The following GPATCH2 variants were observed in gnomAD, a reference collection of about 807,000 sequenced individuals.
GPATCH2 encodes G patch domain-containing protein 2.
Under a neutral mutation model 58.0 loss-of-function variants are expected in GPATCH2, and 51 were observed. The ratio of observed to expected loss-of-function variants is 0.88; its 90% CI spans 0.70 to 1.11. The LOEUF (loss-of-function observed/expected upper bound fraction) is 1.11. GPATCH2 is among the 50% of genes most tolerant of loss of function. The pLI is 0.00. For missense variants in GPATCH2, 625 were observed against 652.2 expected (o/e 0.96, Z 0.45); for synonymous variants, 222 against 218.5 (o/e 1.02, Z -0.14).
intron 8 of GPATCH2, among the ~76,000 whole-genome samples, chr1:217,454,445 C>T (rs1013889024): frequency 5.3e-5 from 8 of 151,670 alleles, no homozygotes; most frequent in Non-Finnish European, 1.0e-4. Context: ...AAAAATTAGC[C>T]GGGCGTGGTG....
intron 5 of GPATCH2, among the ~76,000 whole-genome samples, chr1:217,526,622 C>A (rs909109971): frequency 6.6e-6 from 1 of 152,096 alleles, no homozygotes; most frequent in African/African-American, 2.4e-5. Context: ...CATTTTTTGG[C>A]CAATATCTAT....
intron 8 of GPATCH2, among the ~76,000 whole-genome samples, chr1:217,489,082 C>T (rs1178835926): frequency 1.3e-5 from 2 of 148,890 alleles, no homozygotes; most frequent in Non-Finnish European, 1.5e-5. Flanking sequence ...TTTCTCAATG[C>T]TTTTTCTTTT....
intron 5 of GPATCH2, among the ~76,000 whole-genome samples, chr1:217,544,407 A>C (rs937607592): frequency 6.6e-6 from 1 of 152,140 alleles, no homozygotes; most frequent in African/African-American, 2.4e-5. Flanking sequence ...ACAAACAAAC[A>C]AACCAAATTA....
intron 5 of GPATCH2, among the ~76,000 whole-genome samples, chr1:217,530,194 T>C (rs911037631): frequency 3.3e-5 from 5 of 152,172 alleles, no homozygotes; most frequent in Non-Finnish European, 7.4e-5. Flanking sequence ...CATCATTTTT[T>C]CCCCTCCAGT....
intron 5 of GPATCH2, chr1:217,609,653 T>G: frequency 5.1e-6 from 5 of 976,304 alleles, no homozygotes; most frequent in Non-Finnish European, 6.1e-6. Flanking sequence ...TAAAATACCC[T>G]GAGTAAAATG....
At chr1:217,536,328 T>C (rs546441959) in intron 5 of GPATCH2, among the ~76,000 whole-genome samples, 85 of 152,258 alleles carry the variant, frequency 5.6e-4, no homozygotes, top group African/African-American at 2.0e-3. Flanking sequence ...AAAGAGAAAA[T>C]ACATAGAAAA....
chr1:217,617,684 G>C (rs12067366), intron 2 of GPATCH2, among the ~76,000 whole-genome samples: 7,293 of 152,156 alleles, frequency 0.048, 563 homozygotes, highest in African/African-American at 0.16. Flanking sequence ...AGCAATCTTT[G>C]CACAGAAGGA....
At chr1:217,610,104 T>C (rs1175490641) in intron 5 of GPATCH2, 3 of 1,536,974 alleles carry the variant, frequency 2.0e-6, no homozygotes, top group East Asian at 2.5e-5. Flanking sequence ...TTCCCTCGAA[T>C]GTCATTCCCC....
At position 217,449,427 on chromosome 1, in the gene GPATCH2, C is replaced by T. The variant is rs949640012; in HGVS notation, c.1278-90G>A. The stretch of plus-strand genomic sequence containing the variant: ...TGTATCATCTGAACCTAAATCAAAA[C>T]GTTCTCAACAAAGATGGAGCTGCGT... On this transcript the variant is annotated intron_variant, in intron 8 of 9. Transcript: ENST00000366935. 16 of 781,896 alleles carry T rather than the reference C, an allele frequency of 2.0e-5. No homozygotes were observed. In the East Asian group the frequency reaches 2.2e-4, roughly 11 times the overall value. The allele number at this position is 781,896 out of a possible 1,614,324, so 48.4% of individuals were successfully genotyped here.
chr1:217,589,996 C>T (rs185783283), intron 5 of GPATCH2, among the ~76,000 whole-genome samples: 127 of 150,222 alleles, frequency 8.5e-4, no homozygotes, highest in African/African-American at 2.9e-3. Flanking sequence ...ACTAGAAGAC[C>T]AAAGAGAAAC....
intron 8 of GPATCH2, among the ~76,000 whole-genome samples, chr1:217,473,545 C>A (rs1267670773): frequency 2.6e-5 from 4 of 151,568 alleles, no homozygotes; most frequent in African/African-American, 9.7e-5. Flanking sequence ...CACGAACAAA[C>A]CCTGAGACAT....
At position 217,429,825 on chromosome 1, in the gene GPATCH2, C is replaced by CAAAAAAA. The variant is rs71166007; in HGVS notation, c.*1313_*1319dup. On this transcript the variant is annotated 3_prime_UTR_variant, in exon 10 of 10. Transcript: ENST00000366935. ...CCTGGGCGACAGAGGCAGACTCTGT[C>CAAAAAAA]AAAAAAAAAAAAAAAAAAAAAGAAA... 1.1e-5 allele frequency: 1 copy of CAAAAAAA among 87,976 alleles called. No homozygotes were observed. Among genetic ancestry groups the CAAAAAAA allele is most frequent in the Non-Finnish European group, 2.2e-5 (1 of 44,754 alleles). 5.4% of individuals were successfully genotyped at this position (87,976 alleles called of 1,614,324 possible).
At chr1:217,619,487 C>T (rs1041306629) in intron 2 of GPATCH2, among the ~76,000 whole-genome samples, 4 of 152,200 alleles carry the variant, frequency 2.6e-5, no homozygotes, top group African/African-American at 4.8e-5. Context: ...GAGTTACAAA[C>T]GTGCTGTTAT....
intron 5 of GPATCH2, among the ~76,000 whole-genome samples, chr1:217,530,422 CTAT>C (rs1176636947): frequency 2.0e-5 from 3 of 152,120 alleles, no homozygotes; most frequent in African/African-American, 7.2e-5. Flanking sequence ...TGTGTATTAG[CTAT>C]TATTATTTGT....
At chr1:217,560,064 G>A (rs1176429712) in intron 5 of GPATCH2, among the ~76,000 whole-genome samples, 1 of 152,138 alleles carries the variant, frequency 6.6e-6, no homozygotes, top group Non-Finnish European at 1.5e-5. Flanking sequence ...GGCCAGGATG[G>A]TCTCGATCTC....
chr1:217,618,542 AG>A (rs1160765116), intron 2 of GPATCH2, among the ~76,000 whole-genome samples: 1 of 152,212 alleles, frequency 6.6e-6, no homozygotes, highest in African/African-American at 2.4e-5. Context: ...TTACTTCTTT[AG>A]AAAAATTATA....
chr1:217,622,648 A>T (rs1046841654), intron 1 of GPATCH2, among the ~76,000 whole-genome samples: 6 of 152,166 alleles, frequency 3.9e-5, no homozygotes, highest in African/African-American at 7.2e-5. Flanking sequence ...GGTTCAAGTG[A>T]TTCTCCTGCC....
intron 8 of GPATCH2, among the ~76,000 whole-genome samples, chr1:217,466,065 G>C (rs764215066): frequency 6.6e-6 from 1 of 152,136 alleles, no homozygotes; most frequent in Non-Finnish European, 1.5e-5. Flanking sequence ...TGGCCAAAAT[G>C]ACCTTTAAAT....
At chr1:217,541,612 C>T (rs1664745843) in intron 5 of GPATCH2, among the ~76,000 whole-genome samples, 1 of 152,100 alleles carries the variant, frequency 6.6e-6, no homozygotes, top group Non-Finnish European at 1.5e-5. Context: ...TTGTTGCCTG[C>T]ATTAACAAAA....
Sources: gnomAD v4.1 joint callset for allele counts (sites outside exome capture counted in the v4.1 genomes callset) on GRCh38, gnomAD v4.1.1 for gene constraint, MANE v1.5 for transcripts, NCBI Gene and HGNC (gene_info 2026-07-23, HGNC 2026-07-21) for gene names.